ATXN2: variants seen among roughly 807,000 people sequenced by gnomAD.
ATXN2 encodes ataxin-2.
In ATXN2, 37 loss-of-function variants were observed where a neutral mutation model predicts 138.6. The observed-to-expected ratio is 0.27, with a 90% CI of 0.21 to 0.35. ATXN2 has a LOEUF of 0.35. Among genes scored for constraint, ATXN2 ranks in the 10% least tolerant of loss-of-function variants. The pLI, the probability that ATXN2 is intolerant of heterozygous loss-of-function variation, is 1.00. For missense variants in ATXN2, 1,216 were observed against 1,480.3 expected, an observed-to-expected ratio of 0.82 and a Z score of 2.93; for synonymous variants, 549 against 543.7, an observed-to-expected ratio of 1.01 and a Z score of -0.13.
At chr12:111,491,000 C>T (rs1299002415) in intron 14 of ATXN2, among the ~76,000 whole-genome samples, 10 of 152,020 alleles carry the variant, frequency 6.6e-5, no homozygotes, top group Non-Finnish European at 1.2e-4. Flanking sequence ...GTCTGTAATC[C>T]CAGCACTTTG....
At chr12:111,544,871 C>A (rs559395466) in intron 5 of ATXN2, among the ~76,000 whole-genome samples, 1 of 152,240 alleles carries the variant, frequency 6.6e-6, no homozygotes, top group South Asian at 2.1e-4. Flanking sequence ...TAAAAAGAAT[C>A]CTTTTGGGCC....
At chr12:111,561,628 G>T (rs1215979155) in intron 1 of ATXN2, among the ~76,000 whole-genome samples, 2 of 152,238 alleles carry the variant, frequency 1.3e-5, no homozygotes, top group East Asian at 2.0e-4. Flanking sequence ...GAAGTCAGGA[G>T]TTCAAGACCA....
chr12:111,495,915 A>C (rs1210826808), intron 14 of ATXN2, among the ~76,000 whole-genome samples: 1 of 150,968 alleles, frequency 6.6e-6, no homozygotes, highest in East Asian at 2.0e-4. Flanking sequence ...AGGCCGAAAT[A>C]GGTGGATTGC....
At chr12:111,478,063 T>C (rs1352731387) in intron 18 of ATXN2, among the ~76,000 whole-genome samples, 1 of 152,038 alleles carries the variant, frequency 6.6e-6, no homozygotes, top group Non-Finnish European at 1.5e-5. Context: ...CCCAAAGTGC[T>C]GGAATTACAG....
At chr12:111,538,319 T>C (rs1036297167) in intron 5 of ATXN2, among the ~76,000 whole-genome samples, 1 of 152,126 alleles carries the variant, frequency 6.6e-6, no homozygotes, top group African/African-American at 2.4e-5. Context: ...AAAACATTTA[T>C]AAGATAAAAT....
intron 1 of ATXN2, among the ~76,000 whole-genome samples, chr12:111,585,330 T>C (rs917916225): frequency 1.3e-5 from 2 of 151,396 alleles, no homozygotes; most frequent in East Asian, 1.9e-4. Context: ...CTGGCCAATA[T>C]GGCAAAACCC....
At chr12:111,597,804 A>G (rs1357772036) in intron 1 of ATXN2, 1 of 1,220,730 alleles carries the variant, frequency 8.2e-7, no homozygotes, top group Non-Finnish European at 1.1e-6. Flanking sequence ...CTCTCCTAGC[A>G]TTTCCGAAAT....
intron 1 of ATXN2, among the ~76,000 whole-genome samples, chr12:111,570,333 G>A (rs574185078): frequency 1.3e-5 from 2 of 152,262 alleles, no homozygotes; most frequent in East Asian, 3.9e-4. Flanking sequence ...AACAACGTTG[G>A]CCATTTACTG....
intron 1 of ATXN2, among the ~76,000 whole-genome samples, chr12:111,593,188 G>A (rs1884766619): frequency 6.6e-6 from 1 of 151,910 alleles, no homozygotes; most frequent in African/African-American, 2.4e-5. Flanking sequence ...GCAACCTCCG[G>A]GATCAAGCAA....
At chr12:111,599,379 C>G (rs920435578), upstream of ATXN2, 41 of 1,161,576 alleles carry the variant, frequency 3.5e-5, no homozygotes, top group African/African-American at 5.7e-4. Flanking sequence ...GGTCCCGGGG[C>G]CGCGCCACCG....
intron 1 of ATXN2, among the ~76,000 whole-genome samples, chr12:111,566,918 A>G (rs1460254297): frequency 1.3e-5 from 2 of 152,130 alleles, no homozygotes; most frequent in Non-Finnish European, 2.9e-5. Flanking sequence ...GATTACAGGC[A>G]TGAGCCACCG....
intron 15 of ATXN2, among the ~76,000 whole-genome samples, chr12:111,487,959 G>C (rs1166360939): frequency 1.3e-5 from 2 of 152,142 alleles, no homozygotes; most frequent in Non-Finnish European, 2.9e-5. Context: ...GTTAAGTTCT[G>C]AGGTTAGCCC....
intron 5 of ATXN2, among the ~76,000 whole-genome samples, chr12:111,538,046 C>T (rs756195908): frequency 2.0e-5 from 3 of 151,620 alleles, no homozygotes; most frequent in South Asian, 2.1e-4. Flanking sequence ...TGGTGAGCTA[C>T]GATGGCGCCA....
At chr12:111,582,589 T>C (rs1451248633) in intron 1 of ATXN2, among the ~76,000 whole-genome samples, 1 of 152,166 alleles carries the variant, frequency 6.6e-6, no homozygotes, top group Non-Finnish European at 1.5e-5. Context: ...ACCTGGGCAA[T>C]ACAGCAAGAT....
chr12:111,599,540 G>T (rs1267989673), upstream of ATXN2: 2 of 1,198,236 alleles, frequency 1.7e-6, no homozygotes, highest in Non-Finnish European at 2.1e-6. Flanking sequence ...CCGAGGCGCC[G>T]GGTGGGAGCG....
chr12:111,570,792 G>A (rs1316409918), intron 1 of ATXN2, among the ~76,000 whole-genome samples: 1 of 152,190 alleles, frequency 6.6e-6, no homozygotes, highest in Non-Finnish European at 1.5e-5. Context: ...TAACCTGGAA[G>A]CAGAGATAAT....
intron 5 of ATXN2, among the ~76,000 whole-genome samples, chr12:111,536,777 G>GTTTTTTTTT (rs750371516): frequency 2.1e-5 from 2 of 96,822 alleles, no homozygotes; most frequent in Admixed American, 1.2e-4. Flanking sequence ...TCCACACGCA[G>GTTTTTTTTT]TTTTTTTTTT....
intron 1 of ATXN2, among the ~76,000 whole-genome samples, chr12:111,585,828 A>C (rs1478389721): frequency 1.3e-5 from 2 of 149,726 alleles, no homozygotes; most frequent in African/African-American, 5.0e-5. Flanking sequence ...AAAAAAAAAA[A>C]AACCTCCCAG....
intron 1 of ATXN2, among the ~76,000 whole-genome samples, chr12:111,570,350 G>A (rs1307802413): frequency 6.6e-6 from 1 of 152,204 alleles, no homozygotes; most frequent in Non-Finnish European, 1.5e-5. Flanking sequence ...ACTGATAACT[G>A]CTAAAGCTGA....
Sources: gnomAD v4.1 joint callset for allele counts (sites outside exome capture counted in the v4.1 genomes callset) on GRCh38, gnomAD v4.1.1 for gene constraint, MANE v1.5 for transcripts, NCBI Gene and HGNC (gene_info 2026-07-23, HGNC 2026-07-21) for gene names.